Variants in GAB3 observed in about 807,000 individuals in gnomAD.
GAB3 encodes GRB2 associated binding protein 3.
In GAB3, 12 loss-of-function variants were observed where a neutral mutation model predicts 40.4. That is an observed-to-expected ratio of 0.30 (90% CI 0.19 to 0.48). The LOEUF is 0.48. GAB3 is among the 20% of genes least tolerant of loss of function. The probability of loss-of-function intolerance (pLI) is 0.99; values close to 1 mark genes in which losing one functional copy is unlikely to be tolerated. For missense variants in GAB3, 381 were observed against 461.9 expected (o/e 0.82, Z 1.61); for synonymous variants, 154 against 176.7 (o/e 0.87, Z 1.02).
chrX:154,683,723 G>A (rs1557247296), intron 8 of GAB3, among the ~76,000 whole-genome samples: 1 of 111,623 alleles, frequency 9.0e-6, no homozygotes, highest in Non-Finnish European at 1.9e-5. Flanking sequence ...TTTTGTGGGG[G>A]GGAGGGGTCT....
chrX:154,744,267 T>C (rs1557261712), intron 1 of GAB3, among the ~76,000 whole-genome samples: 1 of 98,844 alleles, frequency 1.0e-5, no homozygotes, highest in Non-Finnish European at 2.0e-5. Context: ...GACCCAACTC[T>C]ATGCTGTATA....
chrX:154,692,189 C>T (rs782265539), intron 8 of GAB3, among the ~76,000 whole-genome samples: 3 of 111,306 alleles, frequency 2.7e-5, no homozygotes, highest in Non-Finnish European at 5.7e-5. Flanking sequence ...AAAACTTCTG[C>T]GCATCAAAGG....
chrX:154,708,054 G>A (rs1557254143), intron 4 of GAB3, among the ~76,000 whole-genome samples: 1 of 111,569 alleles, frequency 9.0e-6, no homozygotes, highest in Non-Finnish European at 1.9e-5. Flanking sequence ...GAATAGAGAG[G>A]CCAGAAATAC....
intron 4 of GAB3, among the ~76,000 whole-genome samples, chrX:154,709,334 T>C (rs1287362917): frequency 1.8e-5 from 2 of 108,475 alleles, no homozygotes; most frequent in Admixed American, 9.8e-5. Flanking sequence ...TTTTTTTTTT[T>C]TTTTGAGACG....
At chrX:154,693,013 T>C (rs1303164660) in intron 8 of GAB3, among the ~76,000 whole-genome samples, 3 of 111,852 alleles carry the variant, frequency 2.7e-5, no homozygotes, top group Admixed American at 1.9e-4. Context: ...TGTATGCCAA[T>C]GTTTATAGCA....
chrX:154,706,921 GAA>G (rs35585683), intron 4 of GAB3, among the ~76,000 whole-genome samples: 8 of 85,695 alleles, frequency 9.3e-5, no homozygotes, highest in African/African-American at 3.0e-4. Flanking sequence ...CCTTGTTTCT[GAA>G]AAAAAAAAAA....
upstream of GAB3, among the ~76,000 whole-genome samples, chrX:154,751,291 G>GAGGT (rs1279261792): frequency 1.1e-5 from 1 of 91,529 alleles, no homozygotes; most frequent in African/African-American, 4.6e-5. Flanking sequence ...GCCCGGGGGG[G>GAGGT]GGGTGTGGGG....
Position 154,713,304 on chromosome X carries a change from C to CGGCATTAGT in GAB3, c.490_498dup (p.Thr164_Ala166dup). On this transcript the variant is annotated inframe_insertion, in exon 3 of 10. Transcript: ENST00000424127. ...TCACTTCTGGTTTCCTCAGTGGCTACGGCATTAGTGTTTGGGTCATCTCTT... is the reference window on the plus strand; with the variant it reads ...TCACTTCTGGTTTCCTCAGTGGCTACGGCATTAGTGGCATTAGTGTTTGGGTCATCTCTT... The CGGCATTAGT allele has an allele frequency of 8.3e-7, 1 of 1,210,078 alleles. No homozygotes were observed. Among genetic ancestry groups the CGGCATTAGT allele is most frequent in the Non-Finnish European group, 1.1e-6 (1 of 894,540 alleles).
intron 1 of GAB3, among the ~76,000 whole-genome samples, chrX:154,746,564 G>A (rs1334326229): frequency 8.9e-6 from 1 of 112,127 alleles, no homozygotes; most frequent in Non-Finnish European, 1.9e-5. Flanking sequence ...CAAGATGGGG[G>A]AGCTTCCTCA....
chrX:154,719,752 C>T (rs1189704465), intron 1 of GAB3, among the ~76,000 whole-genome samples: 1 of 111,567 alleles, frequency 9.0e-6, no homozygotes, highest in African/African-American at 3.3e-5. Flanking sequence ...AACCAGAGGC[C>T]ACATATAGTT....
At chrX:154,744,202 G>A (rs1476806434) in intron 1 of GAB3, among the ~76,000 whole-genome samples, 1 of 64,241 alleles carries the variant, frequency 1.6e-5, no homozygotes, top group East Asian at 6.7e-4. Flanking sequence ...GACAGAGTGA[G>A]ATTCCATCTC....
At chrX:154,730,515 G>C (rs1487713360) in intron 1 of GAB3, among the ~76,000 whole-genome samples, 1 of 112,134 alleles carries the variant, frequency 8.9e-6, no homozygotes, top group African/African-American at 3.2e-5. Flanking sequence ...CCCAAGACCT[G>C]CTCCTCTAAG....
intron 1 of GAB3, among the ~76,000 whole-genome samples, chrX:154,729,953 G>A (rs1175387816): frequency 3.6e-5 from 4 of 112,045 alleles, no homozygotes; most frequent in Non-Finnish European, 7.5e-5. Flanking sequence ...GTATGTGCCC[G>A]TTCAAGTTGG....
intron 1 of GAB3, among the ~76,000 whole-genome samples, chrX:154,738,833 A>G (rs1044106541): frequency 3.0e-4 from 34 of 112,262 alleles, no homozygotes; most frequent in Admixed American, 9.4e-5. Flanking sequence ...CCTGACTTCC[A>G]GAATCTAAGT....
At chrX:154,740,384 C>T (rs2071418821) in intron 1 of GAB3, among the ~76,000 whole-genome samples, 1 of 112,150 alleles carries the variant, frequency 8.9e-6, no homozygotes, top group South Asian at 3.6e-4. Flanking sequence ...CTTGTATATG[C>T]ATGGAATATA....
chrX:154,680,916 A>G (rs1423172876), intron 8 of GAB3, among the ~76,000 whole-genome samples: 3 of 112,535 alleles, frequency 2.7e-5, no homozygotes, highest in Non-Finnish European at 5.6e-5. Context: ...GTTCAATATT[A>G]GGTACTCCAC....
At chrX:154,741,029 G>C (rs1384410853) in intron 1 of GAB3, among the ~76,000 whole-genome samples, 5 of 112,135 alleles carry the variant, frequency 4.5e-5, no homozygotes, top group Admixed American at 2.8e-4. Flanking sequence ...ATTCCCACAT[G>C]TTGTGGGAGG....
intron 8 of GAB3, among the ~76,000 whole-genome samples, chrX:154,683,216 T>C (rs1285363441): frequency 9.0e-6 from 1 of 111,507 alleles, no homozygotes; most frequent in Non-Finnish European, 1.9e-5. Flanking sequence ...CATTGGGTGG[T>C]TATCTTGAGT....
intron 9 of GAB3, among the ~76,000 whole-genome samples, chrX:154,678,578 G>A (rs781969384): frequency 8.9e-6 from 1 of 112,072 alleles, no homozygotes; most frequent in Admixed American, 9.4e-5. Flanking sequence ...GCTGGGATGT[G>A]GTTTGGCTGT....
Sources: gnomAD v4.1 joint callset for allele counts (sites outside exome capture counted in the v4.1 genomes callset) on GRCh38, gnomAD v4.1.1 for gene constraint, MANE v1.5 for transcripts, NCBI Gene and HGNC (gene_info 2026-07-23, HGNC 2026-07-21) for gene names.